PIK3C2G: variants seen among roughly 807,000 people sequenced by gnomAD.
PIK3C2G encodes the protein phosphatidylinositol 3-kinase C2 domain-containing subunit gamma.
A neutral mutation model predicts 181.1 loss-of-function variants in PIK3C2G; 168 were observed. That is an observed-to-expected ratio of 0.93 (90% CI 0.82 to 1.05). The LOEUF (loss-of-function observed/expected upper bound fraction) is 1.05, where lower values mean the gene tolerates loss of function less well. Among genes scored for constraint, PIK3C2G ranks in the 50% least tolerant of loss-of-function variants. The pLI, the probability that PIK3C2G is intolerant of heterozygous loss-of-function variation, is 0.00. For synonymous variants in PIK3C2G, 573 were observed against 592.2 expected (o/e 0.97, Z 0.47); for missense variants, 1,869 against 1,732.8 (o/e 1.08, Z -1.40).
intron 15 of PIK3C2G, among the ~76,000 whole-genome samples, chr12:18,392,569 G>A (rs998640832): frequency 1.3e-5 from 2 of 151,618 alleles, no homozygotes; most frequent in African/African-American, 4.8e-5. Flanking sequence ...CATCCTTTAG[G>A]CTTTCACTTA....
At chr12:18,277,398 C>A (rs1249791881) in intron 1 of PIK3C2G, among the ~76,000 whole-genome samples, 1 of 152,094 alleles carries the variant, frequency 6.6e-6, no homozygotes, top group East Asian at 1.9e-4. Context: ...AGGTCAGCCG[C>A]CATAGTTACA....
intron 12 of PIK3C2G, chr12:18,363,136 G>A (rs1941386167): frequency 6.8e-6 from 2 of 294,252 alleles, no homozygotes; most frequent in South Asian, 1.3e-4. Flanking sequence ...ATTGAAAAAA[G>A]AAGAAGACTT....
chr12:18,513,689 T>A (rs985828675), intron 24 of PIK3C2G, among the ~76,000 whole-genome samples: 1 of 151,772 alleles, frequency 6.6e-6, no homozygotes, highest in Non-Finnish European at 1.5e-5. Context: ...TTTCTTTTTT[T>A]CCTAGTTAGT....
intron 29 of PIK3C2G, among the ~76,000 whole-genome samples, chr12:18,587,222 G>A (rs1592652694): frequency 6.6e-6 from 1 of 152,052 alleles, no homozygotes; most frequent in Non-Finnish European, 1.5e-5. Flanking sequence ...TAAGGCGAGA[G>A]AAATAAATAA....
chr12:18,266,491 G>T (rs1948505030), intron 1 of PIK3C2G, among the ~76,000 whole-genome samples: 2 of 151,960 alleles, frequency 1.3e-5, no homozygotes, highest in Admixed American at 1.3e-4. Context: ...TCATTATTTA[G>T]ACCTAGTCAA....
intron 3 of PIK3C2G, 94 bp from the exon 4 acceptor site, chr12:18,290,761 A>G: frequency 2.5e-6 from 2 of 792,034 alleles, no homozygotes; most frequent in Non-Finnish European, 4.2e-6. Context: ...AAAACACTAC[A>G]TGAAGTTTCT....
At chr12:18,645,776 A>G (rs1950094538) in intron 32 of PIK3C2G, among the ~76,000 whole-genome samples, 1 of 152,202 alleles carries the variant, frequency 6.6e-6, no homozygotes, top group Non-Finnish European at 1.5e-5. Flanking sequence ...CACACAGTTG[A>G]CAACAGATTC....
chr12:18,618,969 G>T (rs2136653018), intron 31 of PIK3C2G, among the ~76,000 whole-genome samples: 1 of 152,006 alleles, frequency 6.6e-6, no homozygotes, highest in South Asian at 2.1e-4. Flanking sequence ...AATATCTAAA[G>T]ATCTTACATT....
chr12:18,264,636 A>G (rs1431426773), intron 1 of PIK3C2G, among the ~76,000 whole-genome samples: 2 of 151,134 alleles, frequency 1.3e-5, no homozygotes, highest in African/African-American at 4.9e-5. Flanking sequence ...GGTATTGTGC[A>G]TCTTTGAATA....
At chr12:18,605,714 A>G (rs1947979524) in intron 30 of PIK3C2G, among the ~76,000 whole-genome samples, 1 of 152,184 alleles carries the variant, frequency 6.6e-6, no homozygotes, top group Admixed American at 6.6e-5. Flanking sequence ...TTGAAGCAGA[A>G]GACCAAAATA....
intron 29 of PIK3C2G, among the ~76,000 whole-genome samples, chr12:18,593,998 C>A (rs1034787250): frequency 6.6e-6 from 1 of 151,744 alleles, no homozygotes; most frequent in Non-Finnish European, 1.5e-5. Flanking sequence ...TTACTATGTA[C>A]AGAGAACCAT....
At chr12:18,650,107 C>T (rs1400158487), downstream of PIK3C2G, among the ~76,000 whole-genome samples, 1 of 152,036 alleles carries the variant, frequency 6.6e-6, no homozygotes, top group Non-Finnish European at 1.5e-5. Flanking sequence ...AAACTGCCAA[C>T]TCAATATTCC....
chr12:18,575,095 C>T (rs939207378), intron 29 of PIK3C2G, among the ~76,000 whole-genome samples: 3 of 152,050 alleles, frequency 2.0e-5, no homozygotes, highest in Non-Finnish European at 4.4e-5. Context: ...TCATAGGGGT[C>T]CTAAGCACTG....
At position 18,537,886 on chromosome 12, in the gene PIK3C2G, T is replaced by C. The variant is rs553639741; in HGVS notation, c.3324-270T>C. 2.6e-5 allele frequency among the ~76,000 whole-genome samples: 4 copies of C among 152,076 alleles called. No individual in the cohort carries two copies. In the East Asian group the frequency reaches 7.7e-4, roughly 29 times the overall value. ...TTATGTTACTTTTAATGAATAATAT[T>C]CCCCTCCAAATGTAATTTAGAATTA... On this transcript the variant is annotated intron_variant, in intron 24 of 32. Coordinates refer to ENST00000538779, the MANE Select transcript of PIK3C2G (RefSeq NM_001288772.2).
chr12:18,242,979 G>A (rs1484214075), upstream of PIK3C2G, among the ~76,000 whole-genome samples: 3 of 152,056 alleles, frequency 2.0e-5, no homozygotes, highest in African/African-American at 7.2e-5. Flanking sequence ...AACACGAAAC[G>A]AGCCTCTGAC....
chr12:18,613,350 A>G (rs1418976873), intron 31 of PIK3C2G, among the ~76,000 whole-genome samples: 1 of 152,128 alleles, frequency 6.6e-6, no homozygotes, highest in Non-Finnish European at 1.5e-5. Context: ...CAGGAAAGAT[A>G]GAAGACAACT....
chr12:18,686,686 C>T, the PIK3C2G span, among the ~76,000 whole-genome samples: 23 of 152,144 alleles, frequency 1.5e-4, no homozygotes, highest in Admixed American at 9.2e-4. Flanking sequence ...TCTTGAAGCA[C>T]GAATTACTCT....
At position 18,381,883 on chromosome 12, in the gene PIK3C2G, A is replaced by G; in HGVS notation, c.1995+3A>G. 6.4e-7 allele frequency: 1 copy of G among 1,557,502 alleles called. No homozygotes were observed. The highest frequency in any genetic ancestry group is 8.9e-7 in the Non-Finnish European group (1 of 1,128,418). Reference sequence around the variant, plus strand: ...AGCCATCCCCGGTGACCCTGCAGGTAAGTGCCAGGCTAAAAGATTAAAGTA... The same window carrying G: ...AGCCATCCCCGGTGACCCTGCAGGTGAGTGCCAGGCTAAAAGATTAAAGTA... On this transcript the variant is annotated splice_donor_region_variant and intron_variant, in intron 14 of 32. Transcript: ENST00000538779.
intron 1 of PIK3C2G, among the ~76,000 whole-genome samples, chr12:18,262,774 G>A (rs762813340): frequency 1.3e-5 from 2 of 152,090 alleles, no homozygotes; most frequent in East Asian, 1.9e-4. Flanking sequence ...CATTTTGGTC[G>A]TGAGGAAGCC....
Sources: gnomAD v4.1 joint callset for allele counts (sites outside exome capture counted in the v4.1 genomes callset) on GRCh38, gnomAD v4.1.1 for gene constraint, MANE v1.5 for transcripts, NCBI Gene and HGNC (gene_info 2026-07-23, HGNC 2026-07-21) for gene names.